The following LIMD1 variants were observed in gnomAD, a reference collection of about 807,000 sequenced individuals.
The protein encoded by LIMD1 is LIM domain-containing protein 1.
LIMD1 carries 23 observed loss-of-function variants against 58.4 expected under a neutral mutation model. The ratio of observed to expected loss-of-function variants is 0.39; its 90% CI spans 0.28 to 0.56. The LOEUF (loss-of-function observed/expected upper bound fraction) is 0.56, where lower values mean the gene tolerates loss of function less well. LIMD1 is among the 20% of genes least tolerant of loss of function. The pLI, the probability that LIMD1 is intolerant of heterozygous loss-of-function variation, is 0.57. For synonymous variants in LIMD1, 334 were observed against 345.5 expected (o/e 0.97, Z 0.37); for missense variants, 838 against 855.5 (o/e 0.98, Z 0.25).
intron 7 of LIMD1, among the ~76,000 whole-genome samples, chr3:45,676,008 T>G (rs948854544): frequency 1.3e-5 from 2 of 151,974 alleles, no homozygotes; most frequent in African/African-American, 4.8e-5. Context: ...ATCCCAGCAC[T>G]TTGGGAGGGC....
chr3:45,631,016 C>T (rs1034751510), intron 1 of LIMD1, among the ~76,000 whole-genome samples: 1 of 151,990 alleles, frequency 6.6e-6, no homozygotes, highest in African/African-American at 2.4e-5. Context: ...CCAGCCTGGC[C>T]AGCATGGAGA....
At chr3:45,602,834 A>AC (rs1276629766) in intron 1 of LIMD1, among the ~76,000 whole-genome samples, 3 of 144,310 alleles carry the variant, frequency 2.1e-5, no homozygotes, top group African/African-American at 7.7e-5. Flanking sequence ...CGTTTTCATG[A>AC]CTTTTTTTTT....
rs565439421 is a variant in LIMD1 at position 45,635,403 on chromosome 3, T to C, written c.1409-747T>C. 2.0e-5 allele frequency among the ~76,000 whole-genome samples: 3 copies of C among 151,104 alleles called. No homozygotes were observed. In the South Asian group the frequency reaches 6.3e-4, roughly 32 times the overall value. On this transcript the variant is annotated intron_variant, in intron 1 of 7. Coordinates refer to ENST00000273317, the MANE Select transcript of LIMD1 (RefSeq NM_014240.3). ...AAGGGCAGGAGTAGAATGTACTAGG[T>C]AGGGGCCCATCAGCAAAGGCTGGGC...
At position 45,677,174 on chromosome 3, in the gene LIMD1, A is replaced by T; in HGVS notation, c.*115A>T. 8.5e-7 allele frequency: 1 copy of T among 1,176,922 alleles called. No homozygotes were observed. The highest frequency in any genetic ancestry group is 2.4e-5 in the East Asian group (1 of 41,974). The allele number at this position is 1,176,922 out of a possible 1,614,324, so 72.9% of individuals were successfully genotyped here. ...GGGGAAGAGGAGGGGCAGGAGGGAG[A>T]GTTCCTGTGAGCATGTGGGGGGTGC... On this transcript the variant is annotated 3_prime_UTR_variant, in exon 8 of 8. Transcript: ENST00000273317.
intron 2 of LIMD1, among the ~76,000 whole-genome samples, chr3:45,651,711 C>A (rs544588265): frequency 1.3e-5 from 2 of 152,168 alleles, no homozygotes; most frequent in East Asian, 3.9e-4. Context: ...CAGCTCAGTG[C>A]AACCTCCACC....
chr3:45,598,092 C>T (rs1701375062), intron 1 of LIMD1, among the ~76,000 whole-genome samples: 2 of 152,170 alleles, frequency 1.3e-5, no homozygotes, highest in East Asian at 1.9e-4. Context: ...CCTCAGCCTC[C>T]TGAGTAGCTA....
intron 1 of LIMD1, among the ~76,000 whole-genome samples, chr3:45,631,154 A>G (rs185687863): frequency 1.3e-3 from 204 of 152,292 alleles, no homozygotes; most frequent in African/African-American, 4.8e-3. Flanking sequence ...CAGGTAGCCG[A>G]GATCGCATGC....
chr3:45,617,988 G>A (rs890836205), intron 1 of LIMD1, among the ~76,000 whole-genome samples: 2 of 152,098 alleles, frequency 1.3e-5, no homozygotes, highest in Non-Finnish European at 2.9e-5. Context: ...AGGAGAATTC[G>A]GGATTTTATT....
chr3:45,639,975 T>C (rs1341637072), intron 2 of LIMD1, among the ~76,000 whole-genome samples: 1 of 152,208 alleles, frequency 6.6e-6, no homozygotes, highest in Non-Finnish European at 1.5e-5. Context: ...AGGTTAGGAT[T>C]TTAACATAGG....
rs1480567291 is a variant in LIMD1 at position 45,678,267 on chromosome 3, A to T, written c.*1208A>T. The T allele has an allele frequency of 1.3e-5, 2 of 152,616 alleles. No homozygotes were observed. The highest frequency in any genetic ancestry group is 3.9e-4 in the East Asian group (2 of 5,186). The allele number at this position is 152,616 out of a possible 1,614,324, so 9.5% of individuals were successfully genotyped here. ...TTCACCAAATCACAGATTCAGGAGG[A>T]ATTTGGCTTTCACACTGGACTCAGA... On this transcript the variant is annotated 3_prime_UTR_variant, in exon 8 of 8. Coordinates refer to ENST00000273317, the MANE Select transcript of LIMD1 (RefSeq NM_014240.3).
At chr3:45,673,776 T>G in intron 6 of LIMD1, 1 of 474,922 alleles carries the variant, frequency 2.1e-6, no homozygotes. Context: ...ATTGGCCAAG[T>G]GTGGTGGCAT....
intron 2 of LIMD1, among the ~76,000 whole-genome samples, chr3:45,645,295 G>A (rs1334633529): frequency 6.6e-6 from 1 of 152,194 alleles, no homozygotes; most frequent in Non-Finnish European, 1.5e-5. Flanking sequence ...GACTCTGCTG[G>A]TTCAGTCAGA....
At chr3:45,665,783 G>A (rs1697507952) in intron 3 of LIMD1, 66 bp downstream of exon 3, 2 of 1,377,580 alleles carry the variant, frequency 1.5e-6, no homozygotes, top group Non-Finnish European at 2.1e-6. Flanking sequence ...GGGCCTGGGG[G>A]GACCTGGGCC....
intron 2 of LIMD1, among the ~76,000 whole-genome samples, chr3:45,655,242 G>A (rs918887422): frequency 6.6e-6 from 1 of 152,034 alleles, no homozygotes; most frequent in African/African-American, 2.4e-5. Context: ...TTTTATAAAC[G>A]GCTGATGTAA....
At chr3:45,675,922 C>T (rs115189704) in intron 7 of LIMD1, among the ~76,000 whole-genome samples, 1,589 of 152,138 alleles carry the variant, frequency 0.01, 37 homozygotes, top group African/African-American at 0.037. Flanking sequence ...TCACTGCACT[C>T]TACTCTGGGT....
At chr3:45,672,996 G>GT (rs1697613403) in intron 5 of LIMD1, among the ~76,000 whole-genome samples, 176 bp downstream of exon 5, 1 of 151,914 alleles carries the variant, frequency 6.6e-6, no homozygotes, top group Admixed American at 6.6e-5. Flanking sequence ...GTCGATGCCA[G>GT]TGTTGACAGG....
intron 1 of LIMD1, among the ~76,000 whole-genome samples, chr3:45,597,800 A>G (rs1701372401): frequency 6.6e-6 from 1 of 152,078 alleles, no homozygotes; most frequent in Admixed American, 6.5e-5. Flanking sequence ...AAGTGTCCCA[A>G]GGTCCTTTGA....
At chr3:45,604,409 C>T (rs1034216202) in intron 1 of LIMD1, among the ~76,000 whole-genome samples, 11 of 152,336 alleles carry the variant, frequency 7.2e-5, no homozygotes, top group Admixed American at 5.2e-4. Context: ...GGTGAGGAAG[C>T]TCTCAAACTT....
chr3:45,596,772 G>C (rs1049579273), intron 1 of LIMD1, among the ~76,000 whole-genome samples: 2 of 151,826 alleles, frequency 1.3e-5, no homozygotes, highest in Admixed American at 1.3e-4. Context: ...CCGTGTGTGT[G>C]TGTCTGTGTG....
Sources: gnomAD v4.1 joint callset for allele counts (sites outside exome capture counted in the v4.1 genomes callset) on GRCh38, gnomAD v4.1.1 for gene constraint, MANE v1.5 for transcripts, NCBI Gene and HGNC (gene_info 2026-07-23, HGNC 2026-07-21) for gene names.